CAMK2D: variants seen among roughly 807,000 people sequenced by gnomAD.
The protein encoded by CAMK2D is calcium/calmodulin-dependent protein kinase type II subunit delta.
Under a neutral mutation model 84.0 loss-of-function variants are expected in CAMK2D, and 37 were observed. That is an observed-to-expected ratio of 0.44 (90% confidence interval 0.34 to 0.58). CAMK2D has a LOEUF of 0.58. Among genes scored for constraint, CAMK2D ranks in the 20% least tolerant of loss-of-function variants. The pLI is 0.02. For missense variants in CAMK2D, 448 were observed against 652.5 expected (o/e 0.69, Z 3.41); for synonymous variants, 202 against 212.5 (o/e 0.95, Z 0.43).
intron 16 of CAMK2D, among the ~76,000 whole-genome samples, chr4:113,471,193 T>G (rs2097542538): frequency 6.6e-6 from 1 of 152,200 alleles, no homozygotes; most frequent in Admixed American, 6.5e-5. Context: ...TCTTCTGGAT[T>G]CAATTCTTTC....
chr4:113,705,326 CAA>C (rs34325573), intron 2 of CAMK2D, among the ~76,000 whole-genome samples: 16 of 91,100 alleles, frequency 1.8e-4, no homozygotes, highest in Admixed American at 5.3e-4. Flanking sequence ...GACTCCATCT[CAA>C]AAAAAAAAAA....
intron 4 of CAMK2D, among the ~76,000 whole-genome samples, chr4:113,581,670 G>C (rs903656218): frequency 6.6e-6 from 1 of 152,072 alleles, no homozygotes; most frequent in Admixed American, 6.6e-5. Flanking sequence ...ACTTCCGTAA[G>C]ATTATGTTCT....
chr4:113,735,390 G>A (rs563286006), intron 2 of CAMK2D, among the ~76,000 whole-genome samples: 90 of 150,736 alleles, frequency 6.0e-4, no homozygotes, highest in East Asian at 3.7e-3. Flanking sequence ...TGGGAGGATC[G>A]CTTGAGCCCG....
intron 3 of CAMK2D, among the ~76,000 whole-genome samples, chr4:113,625,572 T>C (rs563695786): frequency 7.9e-5 from 12 of 152,202 alleles, no homozygotes; most frequent in Middle Eastern, 3.4e-3. Context: ...AAAGATCCTA[T>C]AGCAAGACTT....
At chr4:113,574,211 C>A (rs573797102) in intron 4 of CAMK2D, among the ~76,000 whole-genome samples, 1 of 152,280 alleles carries the variant, frequency 6.6e-6, no homozygotes, top group South Asian at 2.1e-4. Flanking sequence ...CCCTATCCCA[C>A]AGAGTTCAGT....
chr4:113,557,572 T>C (rs2154208051), intron 4 of CAMK2D, among the ~76,000 whole-genome samples: 1 of 152,346 alleles, frequency 6.6e-6, no homozygotes, highest in Admixed American at 6.5e-5. Flanking sequence ...CAGTCATTTA[T>C]AGCATCCTTT....
intron 4 of CAMK2D, among the ~76,000 whole-genome samples, chr4:113,598,412 T>A (rs1429066052): frequency 6.6e-6 from 1 of 152,180 alleles, no homozygotes; most frequent in Non-Finnish European, 1.5e-5. Context: ...CTATGTTTTA[T>A]GTAAAACACA....
chr4:113,728,441 T>A (rs2099552650), intron 2 of CAMK2D, among the ~76,000 whole-genome samples: 1 of 152,042 alleles, frequency 6.6e-6, no homozygotes, highest in Non-Finnish European at 1.5e-5. Context: ...CAGATAGTAG[T>A]CTGTAGAGTG....
chr4:113,466,149 G>A (rs1269834299), intron 16 of CAMK2D, among the ~76,000 whole-genome samples: 1 of 151,822 alleles, frequency 6.6e-6, no homozygotes, highest in Non-Finnish European at 1.5e-5. Context: ...CCAGCTACTT[G>A]GGAAGGCTGT....
At chr4:113,544,191 TCTA>T (rs1037287332) in intron 6 of CAMK2D, among the ~76,000 whole-genome samples, 4 of 152,196 alleles carry the variant, frequency 2.6e-5, no homozygotes, top group Non-Finnish European at 5.9e-5. Context: ...CATACACCTG[TCTA>T]CTACCAGATT....
chr4:113,688,362 A>C (rs1226070689), intron 2 of CAMK2D, among the ~76,000 whole-genome samples: 1 of 152,262 alleles, frequency 6.6e-6, no homozygotes, highest in Admixed American at 6.5e-5. Context: ...CAATCTTTAA[A>C]TATGTGAAAA....
chr4:113,537,946 G>C (rs896621155), intron 6 of CAMK2D, among the ~76,000 whole-genome samples: 1 of 152,114 alleles, frequency 6.6e-6, no homozygotes, highest in African/African-American at 2.4e-5. Flanking sequence ...ATTCCTCAAT[G>C]TTTCCAAACA....
chr4:113,530,521 A>G (rs1489737877), intron 8 of CAMK2D, among the ~76,000 whole-genome samples: 1 of 152,178 alleles, frequency 6.6e-6, no homozygotes, highest in Non-Finnish European at 1.5e-5. Flanking sequence ...TGTTATAGAC[A>G]ATATTTGTGT....
intron 3 of CAMK2D, 125 bp from the exon 4 acceptor site, chr4:113,609,331 T>C: frequency 3.1e-6 from 2 of 640,112 alleles, no homozygotes; most frequent in East Asian, 5.5e-5. Context: ...TTTTAGCCTT[T>C]GATACGTCCG....
chr4:113,657,930 A>T (rs1209840588), intron 3 of CAMK2D, among the ~76,000 whole-genome samples: 1 of 152,188 alleles, frequency 6.6e-6, no homozygotes, highest in East Asian at 1.9e-4. Context: ...GAAGAGGATA[A>T]GAGTCTGATA....
chr4:113,732,064 T>C (rs2099570353), intron 2 of CAMK2D, among the ~76,000 whole-genome samples: 1 of 152,064 alleles, frequency 6.6e-6, no homozygotes, highest in Non-Finnish European at 1.5e-5. Flanking sequence ...TTCTCATCTT[T>C]AAAGTTAGGC....
intron 2 of CAMK2D, among the ~76,000 whole-genome samples, chr4:113,667,873 A>G (rs1313367571): frequency 1.3e-5 from 2 of 152,214 alleles, no homozygotes; most frequent in African/African-American, 4.8e-5. Context: ...GTAAGATCCT[A>G]CAACTATATA....
chr4:113,699,286 G>A (rs1042606390), intron 2 of CAMK2D, among the ~76,000 whole-genome samples: 2 of 151,994 alleles, frequency 1.3e-5, no homozygotes, highest in African/African-American at 4.8e-5. Flanking sequence ...TTTTTCTTTT[G>A]TTTAATATCT....
intron 6 of CAMK2D, among the ~76,000 whole-genome samples, chr4:113,544,695 G>A (rs970296659): frequency 6.6e-6 from 1 of 152,046 alleles, no homozygotes; most frequent in Non-Finnish European, 1.5e-5. Flanking sequence ...TGATCCAAAC[G>A]CTCCCAAAGA....
Sources: gnomAD v4.1 joint callset for allele counts (sites outside exome capture counted in the v4.1 genomes callset) on GRCh38, gnomAD v4.1.1 for gene constraint, MANE v1.5 for transcripts, NCBI Gene and HGNC (gene_info 2026-07-23, HGNC 2026-07-21) for gene names.